KIAA1549L: variants seen among roughly 807,000 people sequenced by gnomAD.
The protein encoded by KIAA1549L is UPF0606 protein KIAA1549L.
Under a neutral mutation model 160.7 loss-of-function variants are expected in KIAA1549L, and 88 were observed. That is an observed-to-expected ratio of 0.55 (90% CI 0.46 to 0.65). KIAA1549L has a LOEUF of 0.65. Ranked by LOEUF, KIAA1549L falls within the 30% of genes least tolerant of loss-of-function variation. The probability of loss-of-function intolerance (pLI) is 0.00; values close to 1 mark genes in which losing one functional copy is unlikely to be tolerated. For synonymous variants in KIAA1549L, 950 were observed against 976.7 expected (o/e 0.97, Z 0.51); for missense variants, 2,258 against 2,437.5 (o/e 0.93, Z 1.55).
intron 11 of KIAA1549L, among the ~76,000 whole-genome samples, chr11:33,587,427 G>T (rs567369904): frequency 6.6e-6 from 1 of 152,146 alleles, no homozygotes; most frequent in East Asian, 1.9e-4. Flanking sequence ...GTAGTCCTGC[G>T]CCACTTAGCT....
At chr11:33,428,928 G>A (rs566201436) in intron 1 of KIAA1549L, among the ~76,000 whole-genome samples, 1 of 152,224 alleles carries the variant, frequency 6.6e-6, no homozygotes, top group African/African-American at 2.4e-5. Context: ...CAGTGTAAAA[G>A]TGTTCCTATT....
intron 1 of KIAA1549L, among the ~76,000 whole-genome samples, chr11:33,464,171 T>C (rs1851996534): frequency 6.6e-6 from 1 of 152,230 alleles, no homozygotes; most frequent in South Asian, 2.1e-4. Flanking sequence ...AGATCTGTGA[T>C]TTAAATGAAA....
intron 1 of KIAA1549L, among the ~76,000 whole-genome samples, chr11:33,498,033 A>G (rs1052486014): frequency 1.1e-4 from 16 of 152,210 alleles, no homozygotes; most frequent in African/African-American, 3.9e-4. Flanking sequence ...TCATGCCTGT[A>G]ATACCAGCAC....
chr11:33,410,672 T>C (rs1262776084), intron 1 of KIAA1549L, among the ~76,000 whole-genome samples: 1 of 152,178 alleles, frequency 6.6e-6, no homozygotes, highest in East Asian at 1.9e-4. Flanking sequence ...GGATTCCCTG[T>C]AGACCCATGC....
rs76899877 is a variant in KIAA1549L, at chr11:33,668,197, C to T, written c.*43C>T. 23,222 of 1,577,526 alleles carry T rather than the reference C, an allele frequency of 0.015. 307 individuals carry two copies. Among genetic ancestry groups the T allele is most frequent in the African/African-American group, 0.065 (4,838 of 74,170 alleles). ...ACTCTGGACTTCCAAACTCTGAGGACTCAGCCTTTGGGTTTCCCATGCCTA... is the reference window on the plus strand; with the variant it reads ...ACTCTGGACTTCCAAACTCTGAGGATTCAGCCTTTGGGTTTCCCATGCCTA... On this transcript the variant is annotated 3_prime_UTR_variant, in exon 21 of 21. Transcript: ENST00000658780.
chr11:33,558,718 A>G (rs1334947397), intron 6 of KIAA1549L, among the ~76,000 whole-genome samples: 1 of 152,230 alleles, frequency 6.6e-6, no homozygotes. Flanking sequence ...CAAAATGTGA[A>G]AAGAAAACCG....
chr11:33,556,712 T>C (rs1590340895), intron 6 of KIAA1549L, among the ~76,000 whole-genome samples: 1 of 151,824 alleles, frequency 6.6e-6, no homozygotes, highest in African/African-American at 2.4e-5. Context: ...CTGCCAGGGG[T>C]TGTGAGGAGG....
At chr11:33,447,564 A>G (rs1851638801) in intron 1 of KIAA1549L, among the ~76,000 whole-genome samples, 1 of 140,370 alleles carries the variant, frequency 7.1e-6, no homozygotes, top group Admixed American at 7.8e-5. Flanking sequence ...GCATGCATCC[A>G]TCCATCCATC....
chr11:33,643,196 T>A (rs1851633214), intron 16 of KIAA1549L, among the ~76,000 whole-genome samples: 2 of 151,934 alleles, frequency 1.3e-5, no homozygotes. Flanking sequence ...GATCATGGGG[T>A]AGGTGGCAGT....
At position 33,668,010 on chromosome 11, in the gene KIAA1549L, G is replaced by T. The variant is rs542064565; in HGVS notation, c.6297G>T (p.Ala2099=). ...AGCAGGCCCCGGCGCCCTCCACAGC[G>T]GCCTCGCAGCAGAGCCTGGCAGAAA... ...SLEQAPAPST[A]ASQQSLAEND... Residue 2099 remains alanine (A), a synonymous_variant, in exon 21 of 21, where the codon GCG becomes GCT. Transcript: ENST00000658780. 1.2e-6 allele frequency: 2 copies of T among 1,613,964 alleles called. No individual in the cohort carries two copies. The highest frequency in any genetic ancestry group is 2.2e-5 in the South Asian group (2 of 91,082).
Position 33,544,217 on chromosome 11 carries a change from C to T in KIAA1549L, c.2654C>T (p.Thr885Ile). 1 of 1,614,050 alleles carries T rather than the reference C, an allele frequency of 6.2e-7. No homozygotes were observed. The highest frequency in any genetic ancestry group is 1.1e-5 in the South Asian group (1 of 91,086). The change falls in exon 2 of 21, where the codon ACA becomes ATA. Residue 885 changes from threonine to isoleucine, a missense_variant. Around this residue, in one of 6 missense-constraint regions of KIAA1549L, gnomAD observed 287 missense variants for 292.3 expected, o/e 0.98. Transcript: ENST00000658780. ...TCATCACCTGAGAGAAATGCTTCCA[C>T]ACCATTCCAGAACATCTTGGGATAT... ...INSSPERNAS[T>I]PFQNILGYHS...
intron 20 of KIAA1549L, among the ~76,000 whole-genome samples, chr11:33,664,237 C>T (rs1455519234): frequency 1.3e-5 from 2 of 152,160 alleles, no homozygotes; most frequent in Non-Finnish European, 2.9e-5. Flanking sequence ...AGTTCTCATC[C>T]GACCCATTGA....
At chr11:33,655,864 A>G (rs1852045892) in intron 17 of KIAA1549L, 148 bp from the exon 18 acceptor site, 2 of 635,202 alleles carry the variant, frequency 3.1e-6, no homozygotes, top group Middle Eastern at 3.8e-4. Context: ...GGCTGGAAAC[A>G]TGTGAGGGAA....
chr11:33,656,242 A>G, intron 18 of KIAA1549L, 133 bp downstream of exon 18: 1 of 669,372 alleles, frequency 1.5e-6, no homozygotes, highest in Non-Finnish European at 2.7e-6. Context: ...CTGTACAGAC[A>G]ACCATGCGCC....
chr11:33,650,094 G>A (rs889393837), intron 17 of KIAA1549L, among the ~76,000 whole-genome samples: 3 of 152,102 alleles, frequency 2.0e-5, no homozygotes, highest in Non-Finnish European at 4.4e-5. Context: ...ACTGTTGACA[G>A]AGCATGGTCC....
intron 12 of KIAA1549L, among the ~76,000 whole-genome samples, chr11:33,594,304 C>A (rs1156376809): frequency 6.9e-5 from 10 of 144,742 alleles, no homozygotes; most frequent in African/African-American, 2.5e-4. Flanking sequence ...TAACTTAAAA[C>A]AACAACCATT....
At chr11:33,552,505 G>A (rs1854496182) in intron 6 of KIAA1549L, among the ~76,000 whole-genome samples, 1 of 152,162 alleles carries the variant, frequency 6.6e-6, no homozygotes, top group South Asian at 2.1e-4. Flanking sequence ...ATTTTGAAAA[G>A]TTGAACTAGG....
At chr11:33,393,754 G>A (rs1459982025) in intron 1 of KIAA1549L, among the ~76,000 whole-genome samples, 1 of 152,212 alleles carries the variant, frequency 6.6e-6, no homozygotes, top group Non-Finnish European at 1.5e-5. Context: ...GTCAGTTTAA[G>A]GTCTAGGGTA....
At position 33,669,549 on chromosome 11, in the gene KIAA1549L, C is replaced by G. The variant is rs1852601568; in HGVS notation, c.*1395C>G. 1.3e-5 allele frequency: 2 copies of G among 152,282 alleles called. No homozygotes were observed. Among genetic ancestry groups the G allele is most frequent in the South Asian group, 4.1e-4 (2 of 4,824 alleles). The allele number at this position is 152,282 out of a possible 1,614,324, so 9.4% of individuals were successfully genotyped here. The stretch of plus-strand genomic sequence containing the variant: ...TTGGTATCTGTTGGAGAATGAGGTC[C>G]TGTCCTGCTTTCACCCATGACCCAT... On this transcript the variant is annotated 3_prime_UTR_variant, in exon 21 of 21. Coordinates refer to ENST00000658780, the MANE Select transcript of KIAA1549L (RefSeq NM_012194.3).
Sources: gnomAD v4.1 joint callset for allele counts (sites outside exome capture counted in the v4.1 genomes callset) on GRCh38, gnomAD v4.1.1 for gene constraint, gnomAD v4.1.1 regional missense constraint, MANE v1.5 for transcripts, NCBI Gene and HGNC (gene_info 2026-07-23, HGNC 2026-07-21) for gene names.